The following SCAMP1 variants were observed in gnomAD, a reference collection of about 807,000 sequenced individuals.
The protein encoded by SCAMP1 is secretory carrier-associated membrane protein 1.
In SCAMP1, 15 loss-of-function variants were observed where a neutral mutation model predicts 41.8. The ratio of observed to expected loss-of-function variants is 0.36; its 90% CI spans 0.24 to 0.55. The LOEUF (loss-of-function observed/expected upper bound fraction) is 0.55, where lower values mean the gene tolerates loss of function less well. SCAMP1 is among the 20% of genes least tolerant of loss of function. The probability of loss-of-function intolerance (pLI) is 0.86; values close to 1 mark genes in which losing one functional copy is unlikely to be tolerated. For synonymous variants in SCAMP1, 135 were observed against 136.8 expected (o/e 0.99, Z 0.09); for missense variants, 341 against 412.6 (o/e 0.83, Z 1.50).
intron 2 of SCAMP1, among the ~76,000 whole-genome samples, chr5:78,394,768 T>G (rs1486827209): frequency 6.6e-6 from 1 of 152,212 alleles, no homozygotes; most frequent in African/African-American, 2.4e-5. Context: ...CCTCTTTGTT[T>G]CCAGTCTCAT....
chr5:78,470,621 G>C (rs1188321340), intron 8 of SCAMP1, among the ~76,000 whole-genome samples: 2 of 152,126 alleles, frequency 1.3e-5, no homozygotes, highest in South Asian at 4.1e-4. Context: ...GTGAACATTG[G>C]TGTACAGTTA....
intron 2 of SCAMP1, among the ~76,000 whole-genome samples, chr5:78,411,470 A>G (rs960229359): frequency 3.3e-5 from 5 of 152,202 alleles, no homozygotes; most frequent in African/African-American, 4.8e-5. Context: ...ACTGCCCAGA[A>G]ATAATCCCTA....
At chr5:78,465,042 A>G (rs186901150) in intron 8 of SCAMP1, among the ~76,000 whole-genome samples, 2 of 152,208 alleles carry the variant, frequency 1.3e-5, no homozygotes, top group East Asian at 3.9e-4. Context: ...TTGAAGACCT[A>G]CTAGTATTCT....
At chr5:78,440,195 C>T (rs1329959530) in intron 6 of SCAMP1, among the ~76,000 whole-genome samples, 1 of 152,172 alleles carries the variant, frequency 6.6e-6, no homozygotes, top group Non-Finnish European at 1.5e-5. Flanking sequence ...TCGTCTGAAG[C>T]CTTCTTCTCT....
chr5:78,369,462 A>AC (rs1750887661), intron 1 of SCAMP1, among the ~76,000 whole-genome samples: 1 of 152,138 alleles, frequency 6.6e-6, no homozygotes, highest in Admixed American at 6.5e-5. Flanking sequence ...GGTTTGTGGC[A>AC]CCCCAAGACA....
intron 6 of SCAMP1, among the ~76,000 whole-genome samples, chr5:78,446,732 A>G (rs1753061193): frequency 1.3e-5 from 2 of 152,112 alleles, no homozygotes; most frequent in African/African-American, 4.8e-5. Context: ...TTCATTAATA[A>G]TTTTTTCTCA....
chr5:78,395,154 T>C (rs1054629537), intron 2 of SCAMP1, among the ~76,000 whole-genome samples: 2 of 152,244 alleles, frequency 1.3e-5, no homozygotes, highest in Non-Finnish European at 2.9e-5. Context: ...TTCAGACTTT[T>C]TGTTTTTATT....
At position 78,471,975 on chromosome 5, in the gene SCAMP1, ATAT is replaced by A. The variant is rs141726661; in HGVS notation, c.853-3524_853-3522del. Reference sequence around the variant, plus strand: ...TTTTCTGTGATTTTCCTAGAACTAAATATTATTTTAGGAGTAATGCAGTTCTCA... The same window carrying A: ...TTTTCTGTGATTTTCCTAGAACTAAATATTTTAGGAGTAATGCAGTTCTCA... On this transcript the variant is annotated intron_variant, in intron 8 of 8. Coordinates refer to ENST00000621999, the MANE Select transcript of SCAMP1 (RefSeq NM_004866.6). 6.4e-3 allele frequency among the ~76,000 whole-genome samples: 971 copies of A among 152,184 alleles called. 7 individuals are homozygous for A. The highest frequency in any genetic ancestry group is 8.7e-3 in the Non-Finnish European group (592 of 67,994).
chr5:78,469,937 A>AAAAAAAAAAAAAAAAAAAAAAAAAAAAG (rs1753844752), intron 8 of SCAMP1, among the ~76,000 whole-genome samples: 1 of 20,380 alleles, frequency 4.9e-5, no homozygotes, highest in Non-Finnish European at 1.0e-4. Flanking sequence ...AAAAAACAAC[A>AAAAAAAAAAAAAAAAAAAAAAAAAAAAG]ACACAGCCCA....
At chr5:78,422,667 C>CA (rs1376811438) in intron 6 of SCAMP1, among the ~76,000 whole-genome samples, 32 of 152,190 alleles carry the variant, frequency 2.1e-4, no homozygotes, top group South Asian at 2.1e-3. Context: ...TCTTTAAGTA[C>CA]CTAGTATGAT....
Position 78,455,113 on chromosome 5 carries a change from G to A in SCAMP1, c.735-4132G>A, listed in dbSNP as rs1165476906. ...GTCTTGCTAGTGGTCTATCAATTTTGTTGATCCTTTCAAAAAACCAGCTCC... is the reference window on the plus strand; with the variant it reads ...GTCTTGCTAGTGGTCTATCAATTTTATTGATCCTTTCAAAAAACCAGCTCC... On this transcript the variant is annotated intron_variant, in intron 7 of 8. Transcript: ENST00000621999. Among the ~76,000 whole-genome samples the A allele has an allele frequency of 2.7e-5, 4 of 150,198 alleles. No homozygotes were observed. In the East Asian group the frequency reaches 7.9e-4, roughly 30 times the overall value.
Position 78,442,537 on chromosome 5 carries a change from G to T in SCAMP1, c.633-7396G>T, listed in dbSNP as rs140566201. ...GCCTCACAAAGTGCTGGGATTACAG[G>T]TGTGAGCCACCGCGCCCGGCTGAGT... On this transcript the variant is annotated intron_variant, in intron 6 of 8. Coordinates refer to ENST00000621999, the MANE Select transcript of SCAMP1 (RefSeq NM_004866.6). 3.9e-3 allele frequency among the ~76,000 whole-genome samples: 587 copies of T among 152,268 alleles called. 4 individuals are homozygous for T. The highest frequency in any genetic ancestry group is 0.013 in the African/African-American group (545 of 41,558).
intron 1 of SCAMP1, among the ~76,000 whole-genome samples, chr5:78,368,048 T>C (rs1470877347): frequency 1.3e-5 from 2 of 152,168 alleles, no homozygotes; most frequent in Non-Finnish European, 2.9e-5. Context: ...AGCCCAGAAG[T>C]TTCTATTAAT....
At chr5:78,448,336 A>G (rs1184544508) in intron 6 of SCAMP1, among the ~76,000 whole-genome samples, 1 of 150,770 alleles carries the variant, frequency 6.6e-6, no homozygotes, top group Non-Finnish European at 1.5e-5. Flanking sequence ...AGCTCCCAAA[A>G]GACACTCTTA....
intron 7 of SCAMP1, among the ~76,000 whole-genome samples, chr5:78,457,445 T>A (rs1753443829): frequency 6.6e-6 from 1 of 151,992 alleles, no homozygotes; most frequent in Non-Finnish European, 1.5e-5. Flanking sequence ...TACCCTGTCG[T>A]GTAAGGTGTC....
chr5:78,468,175 G>A (rs1241751074), intron 8 of SCAMP1, among the ~76,000 whole-genome samples: 1 of 152,104 alleles, frequency 6.6e-6, no homozygotes, highest in African/African-American at 2.4e-5. Context: ...ATGAGATTGT[G>A]CTGTTTGTTT....
chr5:78,364,220 A>G (rs1371716320), intron 1 of SCAMP1, among the ~76,000 whole-genome samples: 1 of 152,236 alleles, frequency 6.6e-6, no homozygotes, highest in Admixed American at 6.5e-5. Context: ...GAGGTCAGCA[A>G]TATAGGCTCT....
intron 1 of SCAMP1, among the ~76,000 whole-genome samples, chr5:78,381,828 A>G (rs534917370): frequency 2.0e-5 from 3 of 152,346 alleles, no homozygotes; most frequent in African/African-American, 7.2e-5. Context: ...TGAATTTATA[A>G]GGCTGGAAAA....
chr5:78,447,308 A>G (rs771972755), intron 6 of SCAMP1, among the ~76,000 whole-genome samples: 27 of 152,172 alleles, frequency 1.8e-4, no homozygotes, highest in Non-Finnish European at 2.6e-4. Flanking sequence ...AGTCAAGACA[A>G]CTTTGAAAAA....
Sources: gnomAD v4.1 joint callset for allele counts (sites outside exome capture counted in the v4.1 genomes callset) on GRCh38, gnomAD v4.1.1 for gene constraint, MANE v1.5 for transcripts, NCBI Gene and HGNC (gene_info 2026-07-23, HGNC 2026-07-21) for gene names.